Variants in FGF12 observed in about 807,000 individuals in gnomAD.
The protein encoded by FGF12 is fibroblast growth factor 12.
In FGF12, 14 loss-of-function variants were observed where a neutral mutation model predicts 23.6. The ratio of observed to expected loss-of-function variants is 0.59; its 90% CI spans 0.39 to 0.93. The LOEUF (loss-of-function observed/expected upper bound fraction) is 0.93, where lower values mean the gene tolerates loss of function less well. Ranked by LOEUF, FGF12 falls within the 40% of genes least tolerant of loss-of-function variation. FGF12 has a pLI of 0.00. For synonymous variants in FGF12, 62 were observed against 77.3 expected (o/e 0.80, Z 1.04); for missense variants, 175 against 217.8 (o/e 0.80, Z 1.24).
chr3:192,539,453 G>A (rs899181710), intron 2 of FGF12, among the ~76,000 whole-genome samples: 1 of 152,142 alleles, frequency 6.6e-6, no homozygotes, highest in Non-Finnish European at 1.5e-5. Context: ...TGATTGATTT[G>A]TGTATGCTGA....
chr3:192,507,264 T>C (rs1419180201), intron 2 of FGF12, among the ~76,000 whole-genome samples: 1 of 151,310 alleles, frequency 6.6e-6, no homozygotes, highest in South Asian at 2.1e-4. Flanking sequence ...GTCCAGTCAG[T>C]CAATTAAGGG....
chr3:192,239,149 CA>C (rs1225021086), intron 4 of FGF12, among the ~76,000 whole-genome samples: 2 of 151,968 alleles, frequency 1.3e-5, no homozygotes, highest in African/African-American at 4.8e-5. Flanking sequence ...AAATTGAGCC[CA>C]AAAAATATCT....
intron 4 of FGF12, among the ~76,000 whole-genome samples, chr3:192,309,717 G>A (rs570393062): frequency 6.6e-6 from 1 of 152,254 alleles, no homozygotes; most frequent in African/African-American, 2.4e-5. Flanking sequence ...CACTGACTGA[G>A]TGCATGGAAA....
At position 192,176,589 on chromosome 3, in the gene FGF12, T is replaced by C. The variant is rs1715874768; in HGVS notation, c.229-5933A>G. The stretch of plus-strand genomic sequence containing the variant: ...CCCTTTACCTGTATGAACTTGGACA[T>C]GCTATTTAATTTTGTTAAAAATCTC... On this transcript the variant is annotated intron_variant, in intron 4 of 5. Transcript: ENST00000445105. Among the ~76,000 whole-genome samples, 2 of 152,256 alleles carry C rather than the reference T, an allele frequency of 1.3e-5. 1 individual carries two copies. The highest frequency in any genetic ancestry group is 1.3e-4 in the Admixed American group (2 of 15,282).
chr3:192,468,547 G>A (rs574617372), intron 2 of FGF12, among the ~76,000 whole-genome samples: 26 of 152,234 alleles, frequency 1.7e-4, no homozygotes, highest in African/African-American at 6.0e-4. Context: ...TGGAGGCTAC[G>A]CATTTTTTTG....
chr3:192,404,698 A>G (rs1576955092), intron 2 of FGF12, among the ~76,000 whole-genome samples: 1 of 152,338 alleles, frequency 6.6e-6, no homozygotes. Context: ...TCATGGTTCA[A>G]TGACCTCATC....
At chr3:192,604,495 A>C (rs59277104) in intron 2 of FGF12, among the ~76,000 whole-genome samples, 5,650 of 152,236 alleles carry the variant, frequency 0.037, 317 homozygotes, top group African/African-American at 0.12. Context: ...AATGCATCCA[A>C]TCAAGGAACT....
chr3:192,502,643 T>C (rs774037903), intron 2 of FGF12, among the ~76,000 whole-genome samples: 3 of 152,052 alleles, frequency 2.0e-5, no homozygotes, highest in Non-Finnish European at 1.5e-5. Context: ...GTACCAGGAG[T>C]GGCCAGACCA....
At chr3:192,372,743 T>C (rs1456608674) in intron 2 of FGF12, among the ~76,000 whole-genome samples, 2 of 152,178 alleles carry the variant, frequency 1.3e-5, no homozygotes. Context: ...TTTTACAATA[T>C]AAATTGGATC....
intron 4 of FGF12, among the ~76,000 whole-genome samples, chr3:192,292,642 C>T (rs560801172): frequency 6.6e-5 from 10 of 152,234 alleles, no homozygotes; most frequent in South Asian, 4.1e-4. Context: ...AATATTTTAA[C>T]GGTCTATACA....
intron 2 of FGF12, among the ~76,000 whole-genome samples, chr3:192,493,012 A>G (rs1204202218): frequency 2.9e-5 from 4 of 139,350 alleles, no homozygotes; most frequent in Admixed American, 1.5e-4. Context: ...GGCCAGGCTC[A>G]TCTTGAACTC....
Position 192,158,290 on chromosome 3 carries a change from T to C in FGF12, c.427+12168A>G, listed in dbSNP as rs371714375. 3.3e-5 allele frequency among the ~76,000 whole-genome samples: 5 copies of C among 151,344 alleles called. No homozygotes were observed. The East Asian group carries it at 9.8e-4, about 30-fold the overall frequency. On this transcript the variant is annotated intron_variant, in intron 5 of 5. Transcript: ENST00000445105. ...TTAGCCCCTCCACAGACTCAGGAAA[T>C]AGACCTGCCTGCTTTTCCCTTTTCT...
chr3:192,574,972 A>T (rs1712809998), intron 2 of FGF12, among the ~76,000 whole-genome samples: 1 of 152,240 alleles, frequency 6.6e-6, no homozygotes. Flanking sequence ...CTTTTATGCA[A>T]TAATGGATAA....
chr3:192,640,758 C>T (rs1050141756), intron 2 of FGF12, among the ~76,000 whole-genome samples: 1 of 152,012 alleles, frequency 6.6e-6, no homozygotes, highest in Admixed American at 6.6e-5. Context: ...TGGACTGTAG[C>T]CCATTTTTGT....
intron 2 of FGF12, among the ~76,000 whole-genome samples, chr3:192,695,715 T>TG (rs1718097518): frequency 1.3e-5 from 2 of 152,170 alleles, no homozygotes; most frequent in African/African-American, 4.8e-5. Context: ...TTCCTATGGA[T>TG]GAGGGGTTGT....
chr3:192,387,717 CAA>C (rs1491216703), intron 2 of FGF12, among the ~76,000 whole-genome samples: 4 of 132,420 alleles, frequency 3.0e-5, no homozygotes, highest in South Asian at 2.7e-4. Context: ...CACACACACA[CAA>C]TATATATATA....
intron 5 of FGF12, among the ~76,000 whole-genome samples, chr3:192,154,069 C>T (rs1377096624): frequency 8.7e-6 from 1 of 114,788 alleles, no homozygotes; most frequent in Non-Finnish European, 1.9e-5. Context: ...TTCATTTCAT[C>T]TTCCATTGCT....
At chr3:192,724,064 G>A (rs1719130639) in intron 2 of FGF12, among the ~76,000 whole-genome samples, 1 of 145,180 alleles carries the variant, frequency 6.9e-6, no homozygotes, top group African/African-American at 2.6e-5. Flanking sequence ...AGGGAAGAGG[G>A]AAAGAAGGAA....
rs1354979179 is a variant in FGF12 at position 192,378,094 on chromosome 3, C to CT, written c.14-17557dup. Among the ~76,000 whole-genome samples the CT allele has an allele frequency of 4.7e-3, 315 of 66,876 alleles. 6 individuals are homozygous for CT. The highest frequency in any genetic ancestry group is 6.4e-3 in the Non-Finnish European group (213 of 33,508). The allele number at this position is 66,876 out of a possible 152,430, so 43.9% of individuals were successfully genotyped here. ...TCTTTCTTTCTTTCTTTCTTTCTTT[C>CT]TTCTTTCTTTCCTTCTTTCTCTCTT... is the stretch of plus-strand genomic sequence containing the variant. On this transcript the variant is annotated intron_variant, in intron 2 of 5. Transcript: ENST00000445105.
Sources: allele counts gnomAD v4.1 joint callset (sites outside exome capture counted in the v4.1 genomes callset), GRCh38; gene constraint gnomAD v4.1.1; transcripts MANE v1.5; gene names NCBI Gene and HGNC (gene_info 2026-07-23, HGNC 2026-07-21).